Variants in ACTR3 observed in about 807,000 individuals in gnomAD.
The protein encoded by ACTR3 is actin-related protein 3.
ACTR3 carries 12 observed loss-of-function variants against 56.8 expected under a neutral mutation model. The ratio of observed to expected loss-of-function variants is 0.21; its 90% CI spans 0.14 to 0.34. ACTR3 has a LOEUF of 0.34. Among genes scored for constraint, ACTR3 ranks in the 10% least tolerant of loss-of-function variants. The pLI, the probability that ACTR3 is intolerant of heterozygous loss-of-function variation, is 1.00. For missense variants in ACTR3, 282 were observed against 512.5 expected (o/e 0.55, Z 4.34); for synonymous variants, 162 against 167.4 (o/e 0.97, Z 0.25).
At chr2:113,941,378 C>G (rs1245125711) in intron 7 of ACTR3, among the ~76,000 whole-genome samples, 3 of 152,122 alleles carry the variant, frequency 2.0e-5, no homozygotes, top group African/African-American at 7.2e-5. Context: ...AAAGGAATAT[C>G]ATTTCTTTGT....
chr2:113,954,618 T>C (rs1361481901), intron 10 of ACTR3: 2 of 151,836 alleles, frequency 1.3e-5, no homozygotes, highest in African/African-American at 4.8e-5. Context: ...TGGGAGTTAT[T>C]CAAATGGCTC....
intron 4 of ACTR3, among the ~76,000 whole-genome samples, chr2:113,928,253 C>T (rs1412858048): frequency 6.6e-6 from 1 of 152,116 alleles, no homozygotes; most frequent in Non-Finnish European, 1.5e-5. Flanking sequence ...ATACTATGGA[C>T]ACTCATACAC....
chr2:113,924,003 C>T (rs1421459092), intron 3 of ACTR3, among the ~76,000 whole-genome samples: 2 of 151,628 alleles, frequency 1.3e-5, no homozygotes, highest in African/African-American at 4.8e-5. Flanking sequence ...TGGATCTGGT[C>T]CATCCTAACT....
At chr2:113,904,488 T>C (rs1409650619) in intron 1 of ACTR3, 1 of 152,226 alleles carries the variant, frequency 6.6e-6, no homozygotes, top group Non-Finnish European at 1.5e-5. Context: ...CTCTTGTTTA[T>C]TCGTTCTCTT....
At chr2:113,947,942 C>T (rs1680051421) in intron 8 of ACTR3, among the ~76,000 whole-genome samples, 1 of 151,794 alleles carries the variant, frequency 6.6e-6, no homozygotes, top group East Asian at 1.9e-4. Flanking sequence ...TTTTTAAAGG[C>T]TGTTTTTAAA....
chr2:113,955,034 T>A (rs1483597313), intron 10 of ACTR3: 1 of 152,226 alleles, frequency 6.6e-6, no homozygotes, highest in Non-Finnish European at 1.5e-5. Context: ...GAAACCTGGC[T>A]CCTATTATCT....
rs1324843628 is a variant in ACTR3 at position 113,961,505 on chromosome 2, A to T, written c.*4050A>T. On this transcript the variant is annotated 3_prime_UTR_variant, in exon 12 of 12. Coordinates refer to ENST00000263238, the MANE Select transcript of ACTR3 (RefSeq NM_005721.5). ...TTACTTGTTTTCTAGTGTTCTGTCA[A>T]TTTTTGGTGACTTTTATAATTACAT... is the stretch of plus-strand genomic sequence containing the variant. The T allele has an allele frequency of 6.6e-6, 1 of 151,998 alleles. No homozygotes were observed. Among genetic ancestry groups the T allele is most frequent in the African/African-American group, 2.4e-5 (1 of 41,436 alleles). 9.4% of individuals were successfully genotyped at this position (151,998 alleles called of 1,614,324 possible).
chr2:113,936,152 CGTG>C (rs1679821200), intron 6 of ACTR3, among the ~76,000 whole-genome samples: 1 of 151,800 alleles, frequency 6.6e-6, no homozygotes, highest in African/African-American at 2.4e-5. Flanking sequence ...ATTAATTGAA[CGTG>C]GTGGTTCATG....
chr2:113,914,351 G>A lies in ACTR3; in HGVS notation c.100+1124G>A, dbSNP rs549019751. On this transcript the variant is annotated intron_variant, in intron 2 of 11. Coordinates refer to ENST00000263238, the MANE Select transcript of ACTR3 (RefSeq NM_005721.5). ...TGTCTGGCCGGGATCGGTGGCTCAC[G>A]CCTGTAATCCCAGCACTTTGGGAGG... Among the ~76,000 whole-genome samples, 363 of 152,200 alleles carry A rather than the reference G, an allele frequency of 2.4e-3. 2 individuals are homozygous for A. Among genetic ancestry groups the A allele is most frequent in the African/African-American group, 8.3e-3 (343 of 41,552 alleles).
chr2:113,952,959 A>T (rs937669356), intron 10 of ACTR3: 2 of 152,198 alleles, frequency 1.3e-5, no homozygotes, highest in African/African-American at 4.8e-5. Flanking sequence ...TTGCAAGTAT[A>T]AATTCTCTGT....
At chr2:113,926,752 T>C (rs1679628041) in intron 3 of ACTR3, among the ~76,000 whole-genome samples, 2 of 152,218 alleles carry the variant, frequency 1.3e-5, no homozygotes, top group Admixed American at 1.3e-4. Context: ...ACTATAACAC[T>C]GGGAATTAAA....
At chr2:113,899,200 A>G (rs1679057667) in intron 1 of ACTR3, among the ~76,000 whole-genome samples, 2 of 152,156 alleles carry the variant, frequency 1.3e-5, no homozygotes, top group African/African-American at 4.8e-5. Flanking sequence ...ATTGCTGATA[A>G]ATTCAGGGCA....
At chr2:113,899,660 T>C (rs1433499804) in intron 1 of ACTR3, among the ~76,000 whole-genome samples, 1 of 152,358 alleles carries the variant, frequency 6.6e-6, no homozygotes, top group East Asian at 1.9e-4. Context: ...GTGATAGATA[T>C]ATGGGAAGAA....
chr2:113,954,682 T>A (rs1333501755), intron 10 of ACTR3: 1 of 151,874 alleles, frequency 6.6e-6, no homozygotes. Flanking sequence ...ACTTCTGTAC[T>A]TCCCGGCACA....
chr2:113,909,217 T>C (rs1679257967), intron 1 of ACTR3, among the ~76,000 whole-genome samples: 1 of 152,204 alleles, frequency 6.6e-6, no homozygotes, highest in Non-Finnish European at 1.5e-5. Context: ...TTGGATACTG[T>C]ATGCATTTAT....
intron 3 of ACTR3, among the ~76,000 whole-genome samples, chr2:113,927,069 G>C (rs1167177414): frequency 6.6e-6 from 1 of 152,144 alleles, no homozygotes; most frequent in East Asian, 1.9e-4. Context: ...AATCTAGAAA[G>C]ACTAGTACAA....
At chr2:113,891,716 T>G (rs771013583) in intron 1 of ACTR3, among the ~76,000 whole-genome samples, 6 of 152,080 alleles carry the variant, frequency 3.9e-5, no homozygotes, top group Admixed American at 6.5e-5. Context: ...ATCTTCATTC[T>G]CATAACTAGC....
chr2:113,946,429 T>C (rs1680021670), intron 8 of ACTR3, among the ~76,000 whole-genome samples: 1 of 152,188 alleles, frequency 6.6e-6, no homozygotes, highest in African/African-American at 2.4e-5. Flanking sequence ...TGGTATCTCA[T>C]TGTGGGTTTG....
At chr2:113,926,284 T>A (rs1057496751) in intron 3 of ACTR3, among the ~76,000 whole-genome samples, 1 of 152,230 alleles carries the variant, frequency 6.6e-6, no homozygotes, top group African/African-American at 2.4e-5. Context: ...ATAGTTTGAT[T>A]TATTGTTGAA....
Sources: allele counts gnomAD v4.1 joint callset (sites outside exome capture counted in the v4.1 genomes callset), GRCh38; gene constraint gnomAD v4.1.1; transcripts MANE v1.5; gene names NCBI Gene and HGNC (gene_info 2026-07-23, HGNC 2026-07-21).